Variants in CEP128 observed in about 807,000 individuals in gnomAD.
The protein encoded by CEP128 is centrosomal protein 128kDa.
Under a neutral mutation model 156.7 loss-of-function variants are expected in CEP128, and 132 were observed. The ratio of observed to expected loss-of-function variants is 0.84; its 90% CI spans 0.73 to 0.97. The LOEUF (loss-of-function observed/expected upper bound fraction) is 0.97, where lower values mean the gene tolerates loss of function less well. CEP128 is among the 50% of genes least tolerant of loss of function. The pLI is 0.00. For missense variants in CEP128, 1,252 were observed against 1,281.9 expected, an observed-to-expected ratio of 0.98 and a Z score of 0.36; for synonymous variants, 469 against 448.9, an observed-to-expected ratio of 1.04 and a Z score of -0.57.
At chr14:80,762,786 A>G (rs1014792475) in intron 16 of CEP128, among the ~76,000 whole-genome samples, 5 of 152,124 alleles carry the variant, frequency 3.3e-5, no homozygotes, top group Non-Finnish European at 7.4e-5. Flanking sequence ...AAGTTGTGCT[A>G]CTTCAAAATG....
At chr14:80,693,043 G>A (rs868358772) in intron 19 of CEP128, among the ~76,000 whole-genome samples, 2 of 152,172 alleles carry the variant, frequency 1.3e-5, no homozygotes, top group Middle Eastern at 6.3e-3. Flanking sequence ...TTTCTAAAAA[G>A]CTCTCAAGTG....
chr14:80,703,581 T>A (rs976956761), intron 19 of CEP128, among the ~76,000 whole-genome samples: 13 of 152,144 alleles, frequency 8.5e-5, no homozygotes, highest in Admixed American at 3.9e-4. Context: ...TAATTTCCAA[T>A]TCAAAAATAT....
intron 13 of CEP128, among the ~76,000 whole-genome samples, chr14:80,809,669 T>G (rs751606110): frequency 3.3e-5 from 5 of 152,106 alleles, no homozygotes; most frequent in Admixed American, 1.3e-4. Context: ...ACGGTGAACT[T>G]CTCAGCAGAA....
At chr14:80,558,642 C>T (rs990359592) in intron 21 of CEP128, among the ~76,000 whole-genome samples, 3 of 151,950 alleles carry the variant, frequency 2.0e-5, no homozygotes, top group Non-Finnish European at 4.4e-5. Flanking sequence ...AGGCTGGTCT[C>T]GAACTCCTGA....
chr14:80,757,734 A>G (rs756756952), intron 17 of CEP128, among the ~76,000 whole-genome samples: 7 of 152,190 alleles, frequency 4.6e-5, no homozygotes, highest in African/African-American at 7.2e-5. Context: ...GTCTATTCCT[A>G]TTCTCAAATA....
intron 20 of CEP128, among the ~76,000 whole-genome samples, chr14:80,572,089 T>A (rs1051877977): frequency 6.6e-6 from 1 of 152,206 alleles, no homozygotes; most frequent in Non-Finnish European, 1.5e-5. Flanking sequence ...ACCATCACCC[T>A]TTGGGCTGAT....
At chr14:80,805,522 A>G (rs1268555539) in intron 13 of CEP128, among the ~76,000 whole-genome samples, 1 of 152,196 alleles carries the variant, frequency 6.6e-6, no homozygotes, top group African/African-American at 2.4e-5. Flanking sequence ...AACTGATATT[A>G]TAAAGTTTTG....
At chr14:80,925,095 CT>C (rs1237393710) in intron 2 of CEP128, among the ~76,000 whole-genome samples, 1 of 151,972 alleles carries the variant, frequency 6.6e-6, no homozygotes, top group Non-Finnish European at 1.5e-5. Context: ...CTAAATTGAA[CT>C]TGTCTAAGCT....
intron 15 of CEP128, among the ~76,000 whole-genome samples, chr14:80,784,651 C>G (rs1273515450): frequency 1.3e-5 from 2 of 152,170 alleles, no homozygotes; most frequent in Admixed American, 6.5e-5. Context: ...CTTTCCTGAA[C>G]TCCCCAAACA....
chr14:80,773,502 AT>A (rs1376254726), intron 16 of CEP128, among the ~76,000 whole-genome samples: 1 of 152,114 alleles, frequency 6.6e-6, no homozygotes, highest in African/African-American at 2.4e-5. Context: ...ATTAAAATCA[AT>A]TTTTTAAATA....
chr14:80,707,480 C>A (rs962182467), intron 19 of CEP128, among the ~76,000 whole-genome samples: 1 of 152,174 alleles, frequency 6.6e-6, no homozygotes, highest in Non-Finnish European at 1.5e-5. Flanking sequence ...CCAACCAATT[C>A]TCCAAGGAGT....
At position 80,563,524 on chromosome 14, in the gene CEP128, C is replaced by CTTTTTTTTTTTTTTTT. The variant is rs540593415; in HGVS notation, c.2857-4238_2857-4223dup. On this transcript the variant is annotated intron_variant, in intron 20 of 24. Coordinates refer to ENST00000555265, the MANE Select transcript of CEP128 (RefSeq NM_152446.5). ...GAAGCCTACCCATGGGCCTCCAAAT[C>CTTTTTTTTTTTTTTTT]TTTTTTTTTTTTTTTTTTTTTTTTT... 8.0e-4 allele frequency among the ~76,000 whole-genome samples: 63 copies of CTTTTTTTTTTTTTTTT among 78,876 alleles called. 3 individuals are homozygous for CTTTTTTTTTTTTTTTT. Among genetic ancestry groups the CTTTTTTTTTTTTTTTT allele is most frequent in the African/African-American group, 1.4e-3 (23 of 16,976 alleles). 51.7% of individuals were successfully genotyped at this position (78,876 alleles called of 152,430 possible).
intron 19 of CEP128, among the ~76,000 whole-genome samples, chr14:80,731,231 T>C (rs1162460027): frequency 1.3e-5 from 2 of 152,214 alleles, no homozygotes; most frequent in African/African-American, 4.8e-5. Context: ...TATTTTGATA[T>C]GCTATATAGC....
intron 23 of CEP128, among the ~76,000 whole-genome samples, chr14:80,513,463 C>T (rs1226485517): frequency 6.6e-6 from 1 of 152,034 alleles, no homozygotes; most frequent in African/African-American, 2.4e-5. Context: ...GTTAAATTTA[C>T]TTGGTGTTCT....
At chr14:80,772,433 C>CT (rs778892196) in intron 16 of CEP128, among the ~76,000 whole-genome samples, 1 of 152,136 alleles carries the variant, frequency 6.6e-6, no homozygotes, top group Non-Finnish European at 1.5e-5. Context: ...CCCCCTCCAG[C>CT]TCCCCATCCA....
chr14:80,892,017 C>T (rs1258220029), intron 8 of CEP128, among the ~76,000 whole-genome samples: 1 of 150,104 alleles, frequency 6.7e-6, no homozygotes, highest in Non-Finnish European at 1.5e-5. Flanking sequence ...ATAGGTTTGA[C>T]ATAATCCATA....
chr14:80,587,825 T>C (rs1392640151), intron 19 of CEP128, among the ~76,000 whole-genome samples: 1 of 152,186 alleles, frequency 6.6e-6, no homozygotes, highest in Non-Finnish European at 1.5e-5. Context: ...TTTCATATGC[T>C]GAAATCCAGG....
chr14:80,591,783 T>G (rs1481352525), intron 19 of CEP128, among the ~76,000 whole-genome samples: 2 of 151,854 alleles, frequency 1.3e-5, no homozygotes, highest in African/African-American at 4.8e-5. Flanking sequence ...AAATGCAAAA[T>G]AATGGAAATC....
At chr14:80,829,875 A>C (rs747315324) in intron 13 of CEP128, among the ~76,000 whole-genome samples, 3 of 152,148 alleles carry the variant, frequency 2.0e-5, no homozygotes, top group Non-Finnish European at 1.5e-5. Flanking sequence ...TATTACAAAT[A>C]ATTTTTTTAG....
Sources: allele counts gnomAD v4.1 joint callset (sites outside exome capture counted in the v4.1 genomes callset), GRCh38; gene constraint gnomAD v4.1.1; transcripts MANE v1.5; gene names NCBI Gene and HGNC (gene_info 2026-07-23, HGNC 2026-07-21).